Variants in ZMAT5 observed in about 807,000 individuals in gnomAD.
ZMAT5 encodes the protein zinc finger matrin-type 5.
In ZMAT5, 23 loss-of-function variants were observed where a neutral mutation model predicts 28.0. That is an observed-to-expected ratio of 0.82 (90% CI 0.59 to 1.16). The LOEUF is 1.16. Among genes scored for constraint, ZMAT5 ranks in the 50% most tolerant of loss-of-function variants. ZMAT5 has a pLI of 0.00. For missense variants in ZMAT5, 173 were observed against 212.7 expected (o/e 0.81, Z 1.16); for synonymous variants, 76 against 84.1 (o/e 0.90, Z 0.52).
At chr22:29,756,601 A>C (rs1447985060) in intron 1 of ZMAT5, among the ~76,000 whole-genome samples, 1 of 152,162 alleles carries the variant, frequency 6.6e-6, no homozygotes, top group Non-Finnish European at 1.5e-5. Context: ...GTCCTGATTC[A>C]GACTCCACAG....
chr22:29,742,612 C>CTCCTCCGT, intron 2 of ZMAT5, 132 bp from the exon 3 acceptor site: 3 of 822,320 alleles, frequency 3.6e-6, no homozygotes, highest in Non-Finnish European at 5.8e-6. Flanking sequence ...TCCTGTTCCA[C>CTCCTCCGT]GGAGGAGTGG....
chr22:29,751,414 C>T (rs985529192), intron 1 of ZMAT5, among the ~76,000 whole-genome samples: 2 of 152,198 alleles, frequency 1.3e-5, no homozygotes, highest in African/African-American at 4.8e-5. Flanking sequence ...CTGATAATAC[C>T]TGGCATTAAG....
intron 5 of ZMAT5, among the ~76,000 whole-genome samples, chr22:29,734,277 A>AC (rs2067883033): frequency 6.6e-6 from 1 of 151,702 alleles, no homozygotes; most frequent in Admixed American, 6.6e-5. Context: ...GGCTTCATGG[A>AC]CCCCCACTTC....
At chr22:29,755,338 AGAGG>A (rs1224608221) in intron 1 of ZMAT5, among the ~76,000 whole-genome samples, 23 of 39,332 alleles carry the variant, frequency 5.8e-4, no homozygotes, top group African/African-American at 1.2e-3. Context: ...AGAGAGAGAG[AGAGG>A]GAGGGAGGGA....
At chr22:29,765,965 G>A (rs2068207105) in intron 1 of ZMAT5, among the ~76,000 whole-genome samples, 1 of 152,148 alleles carries the variant, frequency 6.6e-6, no homozygotes, top group East Asian at 1.9e-4. Flanking sequence ...TGACATTAAA[G>A]TGCACATTAA....
intron 1 of ZMAT5, among the ~76,000 whole-genome samples, chr22:29,749,924 C>T (rs778469838): frequency 2.6e-5 from 4 of 152,200 alleles, no homozygotes; most frequent in Non-Finnish European, 5.9e-5. Context: ...GCCTTCCCAG[C>T]CATGCAGAAC....
At chr22:29,736,813 A>G (rs915360259) in intron 5 of ZMAT5, among the ~76,000 whole-genome samples, 49 of 149,272 alleles carry the variant, frequency 3.3e-4, no homozygotes, top group Non-Finnish European at 5.9e-4. Flanking sequence ...TCAGGAGGGC[A>G]GGAGATTGAG....
chr22:29,740,172 T>C (rs1178550144), intron 4 of ZMAT5, among the ~76,000 whole-genome samples: 1 of 152,212 alleles, frequency 6.6e-6, no homozygotes, highest in African/African-American at 2.4e-5. Context: ...AAAGGCGAGA[T>C]GTCAGTTTCC....
At chr22:29,741,247 C>T (rs758053575) in intron 3 of ZMAT5, among the ~76,000 whole-genome samples, 2 of 152,196 alleles carry the variant, frequency 1.3e-5, no homozygotes, top group African/African-American at 2.4e-5. Flanking sequence ...TCCCCTCTTT[C>T]AACCAAGGAG....
At chr22:29,751,101 G>A (rs1393944359) in intron 1 of ZMAT5, among the ~76,000 whole-genome samples, 2 of 152,154 alleles carry the variant, frequency 1.3e-5, no homozygotes, top group Non-Finnish European at 2.9e-5. Flanking sequence ...ACGTTTAACG[G>A]CCGAGTGCTA....
intron 1 of ZMAT5, among the ~76,000 whole-genome samples, chr22:29,751,537 A>T (rs930232538): frequency 3.9e-5 from 6 of 152,200 alleles, no homozygotes; most frequent in African/African-American, 1.2e-4. Context: ...AATCCCCAGG[A>T]CAACCTGTGG....
intron 1 of ZMAT5, among the ~76,000 whole-genome samples, chr22:29,757,592 C>G (rs1334349859): frequency 6.6e-6 from 1 of 152,354 alleles, no homozygotes; most frequent in Admixed American, 6.5e-5. Context: ...AGCCAGCCTC[C>G]AAGCCCCCAG....
intron 1 of ZMAT5, among the ~76,000 whole-genome samples, chr22:29,750,176 T>C (rs2068044134): frequency 6.6e-6 from 1 of 152,158 alleles, no homozygotes; most frequent in Non-Finnish European, 1.5e-5. Context: ...GTTAAATGTA[T>C]CAATTCTCAT....
chr22:29,761,402 C>A (rs908017967), intron 1 of ZMAT5, among the ~76,000 whole-genome samples: 1 of 151,936 alleles, frequency 6.6e-6, no homozygotes, highest in African/African-American at 2.4e-5. Context: ...CATAGGGGAA[C>A]CTTGTCTCTA....
At chr22:29,732,606 G>A (rs2067860023) in intron 5 of ZMAT5, among the ~76,000 whole-genome samples, 1 of 151,988 alleles carries the variant, frequency 6.6e-6, no homozygotes, top group East Asian at 1.9e-4. Flanking sequence ...CGGGTGTGGT[G>A]GGGGGCACCT....
chr22:29,740,789 G>A, intron 3 of ZMAT5, 59 bp from the exon 4 acceptor site: 1 of 1,501,400 alleles, frequency 6.7e-7, no homozygotes, highest in Non-Finnish European at 9.1e-7. Flanking sequence ...AGGGGCTGAG[G>A]GGTGCCCAGA....
intron 5 of ZMAT5, among the ~76,000 whole-genome samples, chr22:29,734,538 A>G (rs2067885910): frequency 6.6e-6 from 1 of 152,254 alleles, no homozygotes; most frequent in Non-Finnish European, 1.5e-5. Flanking sequence ...TCATTCATGC[A>G]GTAAACCTGT....
intron 2 of ZMAT5, among the ~76,000 whole-genome samples, chr22:29,745,497 C>T (rs918651034): frequency 6.6e-6 from 1 of 152,188 alleles, no homozygotes; most frequent in African/African-American, 2.4e-5. Context: ...CTGGGAGCCG[C>T]GGACATGCTG....
chr22:29,762,467 G>A (rs957537461), intron 1 of ZMAT5, among the ~76,000 whole-genome samples: 12 of 152,200 alleles, frequency 7.9e-5, no homozygotes, highest in Non-Finnish European at 1.3e-4. Flanking sequence ...CCCATTGCTC[G>A]CATTACCGCC....
Sources: allele counts gnomAD v4.1 joint callset (sites outside exome capture counted in the v4.1 genomes callset), GRCh38; gene constraint gnomAD v4.1.1; transcripts MANE v1.5; gene names NCBI Gene and HGNC (gene_info 2026-07-23, HGNC 2026-07-21).